KCNK15: variants seen among roughly 807,000 people sequenced by gnomAD.
KCNK15 encodes the protein potassium two pore domain channel subfamily K member 15, also known as potassium channel subfamily K member 15.
In KCNK15, 9 loss-of-function variants were observed where a neutral mutation model predicts 8.5. That is an observed-to-expected ratio of 1.06 (90% CI 0.64 to 1.85). The LOEUF is 1.85. Among genes scored for constraint, KCNK15 ranks in the 40% most tolerant of loss-of-function variants. The pLI, the probability that KCNK15 is intolerant of heterozygous loss-of-function variation, is 0.00. For synonymous variants in KCNK15, 224 were observed against 232.7 expected (o/e 0.96, Z 0.34); for missense variants, 467 against 476.8 (o/e 0.98, Z 0.19).
In KCNK15 at chr20:44,746,053, T is replaced by C. The variant is rs144556326; in HGVS notation, c.143T>C (p.Leu48Pro). 5,434 of 1,551,248 alleles carry C rather than the reference T, an allele frequency of 3.5e-3. 124 individuals carry two copies. The African/African-American group carries it at 0.058, about 17-fold the overall frequency. Reference sequence around the variant, plus strand: ...CTGCTGGTCCAGAAGCGGGGCGCTCTCCGGAGGAAGTTCGGCTTCTCGGCC... The same window carrying C: ...CTGCTGGTCCAGAAGCGGGGCGCTCCCCGGAGGAAGTTCGGCTTCTCGGCC... ...QRLLVQKRGALRRKFGFSAED... is the reference protein window; with the variant it reads ...QRLLVQKRGAPRRKFGFSAED... Residue 48 changes from leucine to proline, a missense_variant, in exon 1 of 2, where the codon CTC (leucine) becomes CCC (proline). Leu to Pro is a moderately conservative substitution (Grantham distance 98). Around this residue, in one of 2 missense-constraint regions of KCNK15, gnomAD observed 455 missense variants for 441.2 expected, o/e 1.03. Transcript: ENST00000372861.
chr20:44,749,287 A>T (rs189826316), intron 1 of KCNK15, among the ~76,000 whole-genome samples: 10 of 152,296 alleles, frequency 6.6e-5, no homozygotes, highest in Non-Finnish European at 2.9e-5. Flanking sequence ...AGGAAAAGAC[A>T]CACAATGAGA....
rs1241017346 is a variant in KCNK15 at position 44,752,085 on chromosome 20, T to G, written c.*1247T>G. 6.6e-6 allele frequency: 1 copy of G among 152,188 alleles called. No individual in the cohort carries two copies. Among genetic ancestry groups the G allele is most frequent in the African/African-American group, 2.4e-5 (1 of 41,420 alleles). 9.4% of individuals were successfully genotyped at this position (152,188 alleles called of 1,614,324 possible). Reference sequence around the variant, plus strand: ...CTCACAGCCCTGGGTTCGGCTCCATTCTGACCTCCCTGAAGCGCTGGGTTA... The same window carrying G: ...CTCACAGCCCTGGGTTCGGCTCCATGCTGACCTCCCTGAAGCGCTGGGTTA... On this transcript the variant is annotated 3_prime_UTR_variant, in exon 2 of 2. Transcript: ENST00000372861.
In KCNK15 at chr20:44,750,531, T is replaced by C. The variant is rs1333977991; in HGVS notation, c.686T>C (p.Leu229Pro). 2 of 1,612,058 alleles carry C rather than the reference T, an allele frequency of 1.2e-6. No homozygotes were observed. The highest frequency in any genetic ancestry group is 2.2e-5 in the South Asian group (2 of 91,016). ...PYVAFSFLYI[L>P]LGLTVIGAFL... ...GTGGCCTTCAGCTTCCTCTACATCC[T>C]CCTGGGGCTCACGGTCATTGGCGCC... is the stretch of plus-strand genomic sequence containing the variant. The change falls in exon 2 of 2, where the codon CTC becomes CCC. Residue 229 changes from leucine to proline, a missense_variant. Physicochemically the swap from Leu to Pro is moderately conservative, Grantham distance 98 (BLOSUM62 -3). Around this residue, in one of 2 missense-constraint regions of KCNK15, gnomAD observed 455 missense variants for 441.2 expected, o/e 1.03. Coordinates refer to ENST00000372861, the MANE Select transcript of KCNK15 (RefSeq NM_022358.4).
chr20:44,748,527 T>C (rs886823315), intron 1 of KCNK15, among the ~76,000 whole-genome samples: 1 of 152,198 alleles, frequency 6.6e-6, no homozygotes, highest in Non-Finnish European at 1.5e-5. Flanking sequence ...TCCCACCCTG[T>C]CTCTCAGCTC....
intron 1 of KCNK15, among the ~76,000 whole-genome samples, chr20:44,747,691 T>TG (rs1483003655): frequency 6.6e-6 from 1 of 152,224 alleles, no homozygotes; most frequent in Admixed American, 6.5e-5. Flanking sequence ...TCTGGCCACT[T>TG]GGGGGCACCA....
At chr20:44,748,908 C>T (rs1221206424) in intron 1 of KCNK15, among the ~76,000 whole-genome samples, 3 of 152,174 alleles carry the variant, frequency 2.0e-5, no homozygotes, top group Admixed American at 1.3e-4. Flanking sequence ...CAGATGTTGC[C>T]AAGTGTCCCC....
In KCNK15 at chr20:44,750,681, G is replaced by C. The variant is rs1389335675; in HGVS notation, c.836G>C (p.Arg279Pro). The change falls in exon 2 of 2, where the codon CGC becomes CCC. Residue 279 changes from arginine to proline, a missense_variant. Around this residue, in one of 2 missense-constraint regions of KCNK15, gnomAD observed 455 missense variants for 441.2 expected, o/e 1.03. Transcript: ENST00000372861. ...PESRGLWLPR[R>P]PARSVGSASV... Reference sequence around the variant, plus strand: ...AGCCGTGGCCTCTGGCTGCCCCGCCGCCCGGCCCGCTCCGTGGGCTCCGCC... The same window carrying C: ...AGCCGTGGCCTCTGGCTGCCCCGCCCCCCGGCCCGCTCCGTGGGCTCCGCC... 5 of 1,480,154 alleles carry C rather than the reference G, an allele frequency of 3.4e-6. No individual in the cohort carries two copies. In the East Asian group the frequency reaches 1.5e-4, roughly 43 times the overall value. 91.7% of individuals were successfully genotyped at this position (1,480,154 alleles called of 1,614,324 possible).
chr20:44,749,904 T>A (rs1480391121), intron 1 of KCNK15, among the ~76,000 whole-genome samples: 2 of 152,198 alleles, frequency 1.3e-5, no homozygotes, highest in African/African-American at 4.8e-5. Flanking sequence ...CTGAAAAAAA[T>A]TGGTGTTTGG....
rs1184121323 is a variant in KCNK15, at chr20:44,750,638, CCCCCGGGGG to C, written c.795_803del (p.Gly267_Pro269del). On this transcript the variant is annotated inframe_deletion, in exon 2 of 2. Transcript: ENST00000372861. ...CGCTGCCCGCACCCCCAGCCCGCGCCCCCCGGGGGCGCCCGAGAGCCGTGGCCTCTGGCT... is the reference window on the plus strand; with the variant it reads ...CGCTGCCCGCACCCCCAGCCCGCGCCCGCCCGAGAGCCGTGGCCTCTGGCT... The C allele has an allele frequency of 6.4e-7, 1 of 1,551,194 alleles. No homozygotes were observed. The highest frequency in any genetic ancestry group is 8.6e-7 in the Non-Finnish European group (1 of 1,158,674).
chr20:44,749,517 G>A (rs2066020152), intron 1 of KCNK15, among the ~76,000 whole-genome samples: 1 of 152,098 alleles, frequency 6.6e-6, no homozygotes, highest in South Asian at 2.1e-4. Flanking sequence ...AGCAGCTCGG[G>A]GTGTAGCTGG....
At chr20:44,747,331 TC>T in intron 1 of KCNK15, 1 of 152,316 alleles carries the variant, frequency 6.6e-6, no homozygotes, top group African/African-American at 2.4e-5. Flanking sequence ...CTGCCAGGTT[TC>T]AGTGAGGTCA....
intron 1 of KCNK15, among the ~76,000 whole-genome samples, chr20:44,747,517 C>G (rs2145434700): frequency 6.6e-6 from 1 of 152,378 alleles, no homozygotes; most frequent in East Asian, 1.9e-4. Context: ...GGTTACCGTG[C>G]CCACTGGTCT....
intron 1 of KCNK15, among the ~76,000 whole-genome samples, chr20:44,748,943 G>A (rs575275499): frequency 1.6e-4 from 24 of 152,138 alleles, no homozygotes; most frequent in Non-Finnish European, 3.2e-4. Context: ...ACCCTCGATT[G>A]AGAACTGCTA....
chr20:44,751,489 G>A lies in KCNK15; in HGVS notation c.*651G>A, dbSNP rs1178287996. ...GGCCTTGCTGTCACCCACCCACCATGTCACTGGGGCCACTTGGACACAGCA... is the reference window on the plus strand; with the variant it reads ...GGCCTTGCTGTCACCCACCCACCATATCACTGGGGCCACTTGGACACAGCA... On this transcript the variant is annotated 3_prime_UTR_variant, in exon 2 of 2. Transcript: ENST00000372861. The A allele has an allele frequency of 6.6e-6, 1 of 152,228 alleles. No homozygotes were observed. The highest frequency in any genetic ancestry group is 1.5e-5 in the Non-Finnish European group (1 of 68,068). 9.4% of individuals were successfully genotyped at this position (152,228 alleles called of 1,614,324 possible). A position where few individuals can be genotyped will look rare whatever the true frequency, so the allele number is the denominator to read the frequency against.
Position 44,750,124 on chromosome 20 carries a change from C to A in KCNK15, c.284-5C>A. ...ACAGCCCTCCCCTCCGCTCTCCCTG[C>A]ATAGAGTACGGCCACGCCGCGCCGG... On this transcript the variant is annotated splice_polypyrimidine_tract_variant and splice_region_variant and intron_variant, in intron 1 of 1. Coordinates refer to ENST00000372861, the MANE Select transcript of KCNK15 (RefSeq NM_022358.4). 1 of 1,599,402 alleles carries A rather than the reference C, an allele frequency of 6.3e-7. No individual in the cohort carries two copies. Among genetic ancestry groups the A allele is most frequent in the South Asian group, 1.1e-5 (1 of 88,230 alleles).
intron 1 of KCNK15, chr20:44,746,708 C>T (rs1227884323): frequency 6.5e-6 from 1 of 153,374 alleles, no homozygotes; most frequent in African/African-American, 2.4e-5. Flanking sequence ...TAAAACATGA[C>T]ACATACAGAG....
chr20:44,746,824 C>T (rs2066009897), intron 1 of KCNK15: 1 of 152,234 alleles, frequency 6.6e-6, no homozygotes, highest in South Asian at 2.1e-4. Flanking sequence ...CCGTGCCTAG[C>T]ATGCAGTAGA....
chr20:44,749,195 G>A (rs117060502), intron 1 of KCNK15, among the ~76,000 whole-genome samples: 1 of 152,274 alleles, frequency 6.6e-6, no homozygotes, highest in East Asian at 1.9e-4. Flanking sequence ...TGTTAGAGGA[G>A]GCGCATTCTT....
At position 44,750,578 on chromosome 20, in the gene KCNK15, C is replaced by T; in HGVS notation, c.733C>T (p.Arg245Cys). 6.2e-7 allele frequency: 1 copy of T among 1,610,334 alleles called. No individual in the cohort carries two copies. Among genetic ancestry groups the T allele is most frequent in the Non-Finnish European group, 8.5e-7 (1 of 1,179,690 alleles). ...CGCCTTCCTCAACCTGGTGGTCCTG[C>T]GCTTCCTCGTTGCCAGCGCCGACTG... is the stretch of plus-strand genomic sequence containing the variant. ...IGAFLNLVVL[R>C]FLVASADWPE... Residue 245 changes from arginine to cysteine, a missense_variant, in exon 2 of 2, where the codon CGC (arginine) becomes TGC (cysteine). Physicochemically the swap from Arg to Cys is radical, Grantham distance 180. This residue lies in a region of KCNK15 where 455 missense variants were observed against 441.2 expected (regional missense o/e 1.03). Coordinates refer to ENST00000372861, the MANE Select transcript of KCNK15 (RefSeq NM_022358.4).
Sources: allele counts gnomAD v4.1 joint callset (sites outside exome capture counted in the v4.1 genomes callset), GRCh38; gene constraint gnomAD v4.1.1; regional missense constraint gnomAD v4.1.1; transcripts MANE v1.5; gene names NCBI Gene and HGNC (gene_info 2026-07-23, HGNC 2026-07-21).